The following PXT1 variants were observed in gnomAD, a reference collection of about 807,000 sequenced individuals.
The protein encoded by PXT1 is peroxisomal testis-specific protein 1.
A neutral mutation model predicts 11.0 loss-of-function variants in PXT1; 11 were observed. The ratio of observed to expected loss-of-function variants is 1.00; its 90% CI spans 0.63 to 1.66. PXT1 has a LOEUF of 1.66. PXT1 is among the 40% of genes most tolerant of loss of function. The pLI is 0.00. For synonymous variants in PXT1, 43 were observed against 51.4 expected (o/e 0.84, Z 0.70); for missense variants, 141 against 155.5 (o/e 0.91, Z 0.49).
At position 36,391,883 on chromosome 6, in the gene PXT1, A is replaced by G; in HGVS notation, c.301-9T>C. 1 of 1,551,080 alleles carries G rather than the reference A, an allele frequency of 6.4e-7. No individual in the cohort carries two copies. The highest frequency in any genetic ancestry group is 2.3e-5 in the East Asian group (1 of 44,326). On this transcript the variant is annotated splice_polypyrimidine_tract_variant and intron_variant, in intron 4 of 4. Transcript: ENST00000454782. ...CCATCCTGTTGAAGATCCTATTTGA[A>G]AAAAGGGAGACACAGAGAAAGGTTT...
chr6:36,437,778 T>A (rs59440875), intron 2 of PXT1, among the ~76,000 whole-genome samples: 60,619 of 147,016 alleles, frequency 0.41, 13,386 homozygotes, highest in East Asian at 0.55. Context: ...AGCCTCCCAA[T>A]GTGCTGGGAT....
At chr6:36,399,739 G>T (rs12660899) in intron 4 of PXT1, among the ~76,000 whole-genome samples, 38,952 of 152,020 alleles carry the variant, frequency 0.26, 5,043 homozygotes, top group East Asian at 0.39. Context: ...GGTTGTTTCG[G>T]AGGAAAACTA....
At chr6:36,428,146 T>G (rs1465741412) in intron 2 of PXT1, among the ~76,000 whole-genome samples, 1 of 152,234 alleles carries the variant, frequency 6.6e-6, no homozygotes, top group East Asian at 1.9e-4. Flanking sequence ...GATGAACTGA[T>G]AAAAGTACTA....
At chr6:36,419,086 C>T (rs1774489705) in intron 3 of PXT1, among the ~76,000 whole-genome samples, 1 of 152,114 alleles carries the variant, frequency 6.6e-6, no homozygotes, top group South Asian at 2.1e-4. Flanking sequence ...TCACTTCAAA[C>T]CATTTTGAAA....
intron 3 of PXT1, among the ~76,000 whole-genome samples, chr6:36,423,539 A>T (rs1257705039): frequency 1.3e-5 from 2 of 152,184 alleles, no homozygotes; most frequent in Non-Finnish European, 2.9e-5. Flanking sequence ...CGGGAGCGGG[A>T]GTTAGGGAGG....
chr6:36,441,896 T>G, intron 1 of PXT1, among the ~76,000 whole-genome samples: 1 of 152,266 alleles, frequency 6.6e-6, no homozygotes, highest in South Asian at 2.1e-4. Flanking sequence ...TTACATTCCT[T>G]CCACTTCAAC....
rs919910201 is a variant in PXT1, at chr6:36,410,536, G to A, written c.170-9952C>T. Among the ~76,000 whole-genome samples the A allele has an allele frequency of 2.6e-5, 4 of 151,584 alleles. No individual in the cohort carries two copies. The East Asian group carries it at 7.7e-4, about 29-fold the overall frequency. ...AGAGAGAGAAAGAGAAGGGAGAAGG[G>A]AGGGAAAGACAAACAGAAAGAAAAG... On this transcript the variant is annotated intron_variant, in intron 3 of 4. Coordinates refer to ENST00000454782, the MANE Select transcript of PXT1 (RefSeq NM_152990.4).
intron 3 of PXT1, among the ~76,000 whole-genome samples, chr6:36,424,812 CG>C (rs1250078058): frequency 3.9e-5 from 6 of 151,914 alleles, no homozygotes; most frequent in Non-Finnish European, 7.4e-5. Flanking sequence ...CTGGCCAACA[CG>C]GTGAAACCCC....
chr6:36,430,870 A>G (rs1774682638), intron 2 of PXT1, among the ~76,000 whole-genome samples: 1 of 152,086 alleles, frequency 6.6e-6, no homozygotes, highest in African/African-American at 2.4e-5. Flanking sequence ...GCTGGAGTGC[A>G]GTGCCGCGAT....
At chr6:36,398,688 A>T (rs907472236) in intron 4 of PXT1, among the ~76,000 whole-genome samples, 1 of 152,112 alleles carries the variant, frequency 6.6e-6, no homozygotes, top group Non-Finnish European at 1.5e-5. Context: ...AGAGACACAA[A>T]GTAGATTGGT....
At chr6:36,426,721 C>T (rs1283649495) in intron 2 of PXT1, among the ~76,000 whole-genome samples, 1 of 152,044 alleles carries the variant, frequency 6.6e-6, no homozygotes, top group East Asian at 1.9e-4. Flanking sequence ...TAAATTGGTA[C>T]ACTGAGAAAA....
chr6:36,438,497 A>C (rs549794943), intron 2 of PXT1, among the ~76,000 whole-genome samples: 3 of 152,040 alleles, frequency 2.0e-5, no homozygotes, highest in Admixed American at 1.3e-4. Flanking sequence ...GATCTTAGCT[A>C]ACTGCAAGCT....
At chr6:36,396,406 C>A (rs1355456623) in intron 4 of PXT1, among the ~76,000 whole-genome samples, 1 of 152,208 alleles carries the variant, frequency 6.6e-6, no homozygotes. Flanking sequence ...CCAGGAAGCA[C>A]CCTACCCCTA....
chr6:36,412,854 T>A (rs1165756776), intron 3 of PXT1, among the ~76,000 whole-genome samples: 1 of 148,624 alleles, frequency 6.7e-6, no homozygotes, highest in African/African-American at 2.5e-5. Context: ...CTTTCAGATT[T>A]AAAAAATATG....
rs988264503 is a variant in PXT1, at chr6:36,426,097, G to A, written c.-9-6C>T. 12 of 1,479,386 alleles carry A rather than the reference G, an allele frequency of 8.1e-6. No homozygotes were observed. The African/African-American group carries it at 1.6e-4, about 19-fold the overall frequency. 91.6% of individuals were successfully genotyped at this position (1,479,386 alleles called of 1,614,324 possible). On this transcript the variant is annotated splice_polypyrimidine_tract_variant and splice_region_variant and intron_variant, in intron 2 of 4. Coordinates refer to ENST00000454782, the MANE Select transcript of PXT1 (RefSeq NM_152990.4). ...TTTTTCTTCATGTTTTTTCCCTGTT[G>A]AAAAACATATTTTCAGAGGCTTTCC...
intron 3 of PXT1, among the ~76,000 whole-genome samples, chr6:36,412,658 C>A (rs1392567589): frequency 1.3e-4 from 19 of 146,074 alleles, no homozygotes; most frequent in Admixed American, 1.4e-4. Context: ...GACTCCGTCT[C>A]AAAAAAAAAA....
chr6:36,396,040 T>C (rs2127409546), intron 4 of PXT1, among the ~76,000 whole-genome samples: 1 of 152,280 alleles, frequency 6.6e-6, no homozygotes. Context: ...AGTACAAGTT[T>C]ACAGGTTTAT....
At chr6:36,425,835 G>A in intron 3 of PXT1, 79 bp downstream of exon 3, 1 of 616,012 alleles carries the variant, frequency 1.6e-6, no homozygotes, top group Non-Finnish European at 2.5e-6. Context: ...TATATTTAAT[G>A]TCCAATTTTA....
intron 4 of PXT1, among the ~76,000 whole-genome samples, chr6:36,392,516 C>G (rs138161489): frequency 0.019 from 2,875 of 152,102 alleles, 73 homozygotes; most frequent in African/African-American, 0.061. Context: ...AAAAACTGAG[C>G]CAGGCATGGT....
Sources: allele counts gnomAD v4.1 joint callset (sites outside exome capture counted in the v4.1 genomes callset), GRCh38; gene constraint gnomAD v4.1.1; transcripts MANE v1.5; gene names NCBI Gene and HGNC (gene_info 2026-07-23, HGNC 2026-07-21).